ASZ1: variants seen among roughly 807,000 people sequenced by gnomAD.
ASZ1 encodes the protein ankyrin repeat, SAM and basic leucine zipper domain-containing protein 1.
A neutral mutation model predicts 61.8 loss-of-function variants in ASZ1; 67 were observed. The ratio of observed to expected loss-of-function variants is 1.08; its 90% CI spans 0.89 to 1.33. The LOEUF (loss-of-function observed/expected upper bound fraction) is 1.33, where lower values mean the gene tolerates loss of function less well. ASZ1 is among the 40% of genes most tolerant of loss of function. The pLI, the probability that ASZ1 is intolerant of heterozygous loss-of-function variation, is 0.00. For synonymous variants in ASZ1, 193 were observed against 192.7 expected, an observed-to-expected ratio of 1.00 and a Z score of -0.01; for missense variants, 577 against 554.5, an observed-to-expected ratio of 1.04 and a Z score of -0.41.
chr7:117,375,643 A>G (rs539863018), intron 10 of ASZ1, among the ~76,000 whole-genome samples: 1 of 152,198 alleles, frequency 6.6e-6, no homozygotes, highest in African/African-American at 2.4e-5. Flanking sequence ...CTCTGACCAC[A>G]ACAGAATCAA....
In ASZ1 at chr7:117,363,228, G is replaced by C. The variant is rs1174049540; in HGVS notation, c.*368C>G. ...TATGTAATAATGGAGGGGGAAAAAA[G>C]AAACAAAAGAAAGCTCAATTTATGA... On this transcript the variant is annotated 3_prime_UTR_variant, in exon 13 of 13. Transcript: ENST00000284629. 1 of 153,192 alleles carries C rather than the reference G, an allele frequency of 6.5e-6. No homozygotes were observed. Among genetic ancestry groups the C allele is most frequent in the Non-Finnish European group, 1.5e-5 (1 of 68,840 alleles). 9.5% of individuals were successfully genotyped at this position (153,192 alleles called of 1,614,324 possible).
chr7:117,368,009 ATAGC>A, intron 11 of ASZ1: 1 of 469,296 alleles, frequency 2.1e-6, no homozygotes, highest in Non-Finnish European at 2.8e-6. Flanking sequence ...AGCCTCCTGA[ATAGC>A]TAGGACCACA....
chr7:117,382,957 TTC>T, intron 7 of ASZ1, 27 bp downstream of exon 7: 1 of 1,508,996 alleles, frequency 6.6e-7, no homozygotes, highest in East Asian at 2.5e-5. Context: ...CTTATAGGTA[TTC>T]TGTTGAACTA....
chr7:117,396,558 CTATTTATGTA>C (rs1421916314), intron 4 of ASZ1, among the ~76,000 whole-genome samples: 2 of 152,124 alleles, frequency 1.3e-5, no homozygotes, highest in Non-Finnish European at 1.5e-5. Context: ...ATCCTCTGAC[CTATTTATGTA>C]ATTGTTTCCC....
chr7:117,384,041 C>T lies in ASZ1; in HGVS notation c.687+685G>A, dbSNP rs150168378. On this transcript the variant is annotated intron_variant, in intron 6 of 12. Transcript: ENST00000284629. ...ACATGACGGAATCTTTGGAATTTTA[C>T]GTGCTTTCAAATTCGGGAACTCAGT... is the stretch of plus-strand genomic sequence containing the variant. 1.8e-3 allele frequency among the ~76,000 whole-genome samples: 281 copies of T among 152,064 alleles called. 2 individuals are homozygous for T. Among genetic ancestry groups the T allele is most frequent in the African/African-American group, 6.6e-3 (276 of 41,510 alleles).
At chr7:117,393,361 A>G (rs1189184043) in intron 4 of ASZ1, among the ~76,000 whole-genome samples, 1 of 152,120 alleles carries the variant, frequency 6.6e-6, no homozygotes, top group Non-Finnish European at 1.5e-5. Flanking sequence ...ATATGATTAT[A>G]GATTTTTTAT....
At position 117,427,461 on chromosome 7, in the gene ASZ1, G is replaced by C. The variant is rs1183680854; in HGVS notation, c.-1C>G. 1 of 1,613,790 alleles carries C rather than the reference G, an allele frequency of 6.2e-7. No individual in the cohort carries two copies. The highest frequency in any genetic ancestry group is 8.5e-7 in the Non-Finnish European group (1 of 1,179,820). On this transcript the variant is annotated 5_prime_UTR_variant, in exon 1 of 13. Coordinates refer to ENST00000284629, the MANE Select transcript of ASZ1 (RefSeq NM_130768.3). ...GGCCTCGCAGCGCGCTCGCCGCCATGCCAGCCAAGGAAGCTCCCTGTCGGC... is the reference window on the plus strand; with the variant it reads ...GGCCTCGCAGCGCGCTCGCCGCCATCCCAGCCAAGGAAGCTCCCTGTCGGC...
At chr7:117,400,460 C>T (rs988294884) in intron 4 of ASZ1, among the ~76,000 whole-genome samples, 1 of 152,168 alleles carries the variant, frequency 6.6e-6, no homozygotes, top group African/African-American at 2.4e-5. Flanking sequence ...TGCTTTTAGA[C>T]ATTTGCCAAT....
In ASZ1 at chr7:117,425,255, A is replaced by ATTTT. The variant is rs1004795019; in HGVS notation, c.205+1580_205+1581insAAAA. Among the ~76,000 whole-genome samples, 48 of 86,708 alleles carry ATTTT rather than the reference A, an allele frequency of 5.5e-4. 1 individual carries two copies. Among genetic ancestry groups the ATTTT allele is most frequent in the African/African-American group, 1.4e-3 (36 of 25,616 alleles). The allele number at this position is 86,708 out of a possible 152,430, so 56.9% of individuals were successfully genotyped here. ...TAAATGCTTGTTATTCCTTTGAGTAATTTCTTTTTTTTTTTTTTTTTTTTT... is the reference window on the plus strand; with the variant it reads ...TAAATGCTTGTTATTCCTTTGAGTAATTTTTTTCTTTTTTTTTTTTTTTTTTTTT... On this transcript the variant is annotated intron_variant, in intron 2 of 12. Transcript: ENST00000284629.
intron 10 of ASZ1, among the ~76,000 whole-genome samples, chr7:117,370,370 C>T (rs2116448472): frequency 6.6e-6 from 1 of 152,090 alleles, no homozygotes; most frequent in South Asian, 2.1e-4. Context: ...GAAACGTAGC[C>T]TGAGAAGTAG....
intron 9 of ASZ1, 84 bp downstream of exon 9, chr7:117,380,927 G>T: frequency 8.4e-7 from 1 of 1,184,866 alleles, no homozygotes. Flanking sequence ...TATAGCCCTG[G>T]CATTTTAAAA....
rs1797234151 is a variant in ASZ1, at chr7:117,427,032, T to A, written c.106-97A>T. 3 of 1,244,230 alleles carry A rather than the reference T, an allele frequency of 2.4e-6. No individual in the cohort carries two copies. In the East Asian group the frequency reaches 7.6e-5, roughly 32 times the overall value. 77.1% of individuals were successfully genotyped at this position (1,244,230 alleles called of 1,614,324 possible). ...TGTTTGGTTAAGTACACAGGTTTTTTTTCTTGGCTTTATTTTGACTAAGAT... is the reference window on the plus strand; with the variant it reads ...TGTTTGGTTAAGTACACAGGTTTTTATTCTTGGCTTTATTTTGACTAAGAT... On this transcript the variant is annotated intron_variant, in intron 1 of 12. Coordinates refer to ENST00000284629, the MANE Select transcript of ASZ1 (RefSeq NM_130768.3).
intron 4 of ASZ1, among the ~76,000 whole-genome samples, chr7:117,414,368 T>TA (rs1297796085): frequency 1.3e-5 from 2 of 152,240 alleles, no homozygotes; most frequent in East Asian, 3.8e-4. Flanking sequence ...TTTAAATGTT[T>TA]ACTTAAAACA....
At chr7:117,367,684 T>G in intron 11 of ASZ1, 1 of 1,006,954 alleles carries the variant, frequency 9.9e-7, no homozygotes, top group Non-Finnish European at 1.2e-6. Context: ...ATATATAACT[T>G]TCTATATGGA....
chr7:117,422,991 A>G (rs764264625), intron 2 of ASZ1, among the ~76,000 whole-genome samples: 10 of 152,198 alleles, frequency 6.6e-5, no homozygotes, highest in Non-Finnish European at 1.0e-4. Context: ...TAACACAGGA[A>G]GTTTATACGA....
Position 117,382,150 on chromosome 7 carries a change from T to C in ASZ1, c.813-6A>G. ...CTCCAAATGCTGTATATGAACTGTA[T>C]ACATTTATAGCAATGTCAATTTCAG... is the stretch of plus-strand genomic sequence containing the variant. On this transcript the variant is annotated splice_polypyrimidine_tract_variant and splice_region_variant and intron_variant, in intron 7 of 12. Coordinates refer to ENST00000284629, the MANE Select transcript of ASZ1 (RefSeq NM_130768.3). The C allele has an allele frequency of 6.4e-7, 1 of 1,550,482 alleles. No homozygotes were observed. Among genetic ancestry groups the C allele is most frequent in the Non-Finnish European group, 8.9e-7 (1 of 1,124,062 alleles).
chr7:117,404,629 T>C (rs969731166), intron 4 of ASZ1, among the ~76,000 whole-genome samples: 3 of 152,142 alleles, frequency 2.0e-5, no homozygotes, highest in Non-Finnish European at 2.9e-5. Context: ...CAATTCACTT[T>C]TGGGATCGTG....
intron 4 of ASZ1, among the ~76,000 whole-genome samples, chr7:117,401,541 A>C (rs1796681218): frequency 6.6e-6 from 1 of 152,184 alleles, no homozygotes; most frequent in Non-Finnish European, 1.5e-5. Context: ...TAAGGGGTTG[A>C]AGGAGAGACC....
chr7:117,393,952 C>T (rs1433266225), intron 4 of ASZ1, among the ~76,000 whole-genome samples: 3 of 152,110 alleles, frequency 2.0e-5, no homozygotes, highest in Admixed American at 2.0e-4. Flanking sequence ...TACTATTCAA[C>T]AAAGAGAAAA....
Sources: gnomAD v4.1 joint callset for allele counts (sites outside exome capture counted in the v4.1 genomes callset) on GRCh38, gnomAD v4.1.1 for gene constraint, MANE v1.5 for transcripts, NCBI Gene and HGNC (gene_info 2026-07-23, HGNC 2026-07-21) for gene names.